Variants in AFF3 observed in about 807,000 individuals in gnomAD.
The protein encoded by AFF3 is ALF transcription elongation factor 3.
AFF3 carries 32 observed loss-of-function variants against 129.7 expected under a neutral mutation model. That is an observed-to-expected ratio of 0.25 (90% CI 0.19 to 0.33). The LOEUF is 0.33. Ranked by LOEUF, AFF3 falls within the 10% of genes least tolerant of loss-of-function variation. The pLI is 1.00. For missense variants in AFF3, 1,373 were observed against 1,592.0 expected (o/e 0.86, Z 2.34); for synonymous variants, 644 against 635.4 (o/e 1.01, Z -0.20).
chr2:99,837,373 C>G lies in AFF3; in HGVS notation c.921+104G>C, dbSNP rs1261731217. 1.6e-5 allele frequency: 18 copies of G among 1,140,388 alleles called. No homozygotes were observed. The East Asian group carries it at 4.4e-4, about 28-fold the overall frequency. The allele number at this position is 1,140,388 out of a possible 1,614,324, so 70.6% of individuals were successfully genotyped here. A position where few individuals can be genotyped will look rare whatever the true frequency, so the allele number is the denominator to read the frequency against. ...GACTACTCTCAGAAAAGGTAAATGT[C>G]AAACCACAGACTATGGGCTCCTTTA... On this transcript the variant is annotated intron_variant, in intron 8 of 24. Transcript: ENST00000672756.
intron 4 of AFF3, among the ~76,000 whole-genome samples, chr2:100,035,871 C>T (rs1385520819): frequency 6.6e-6 from 1 of 151,988 alleles, no homozygotes; most frequent in East Asian, 1.9e-4. Flanking sequence ...AGCAAACTAG[C>T]AGATATGAAA....
intron 7 of AFF3, among the ~76,000 whole-genome samples, chr2:99,843,718 A>G (rs1490604986): frequency 6.6e-6 from 1 of 152,222 alleles, no homozygotes; most frequent in Non-Finnish European, 1.5e-5. Flanking sequence ...TAAAATCGTT[A>G]ATAATTATAT....
At chr2:99,807,648 T>C (rs898956897) in intron 8 of AFF3, among the ~76,000 whole-genome samples, 3 of 152,216 alleles carry the variant, frequency 2.0e-5, no homozygotes, top group Non-Finnish European at 2.9e-5. Flanking sequence ...CAGGCCTCAA[T>C]TGGCCTAACT....
intron 18 of AFF3, among the ~76,000 whole-genome samples, chr2:99,569,655 A>G (rs1676297883): frequency 1.3e-5 from 2 of 152,204 alleles, no homozygotes; most frequent in African/African-American, 2.4e-5. Context: ...AGTGTGTGTA[A>G]TGAGGCCCAG....
rs1674130335 is a variant in AFF3, at chr2:99,547,671, A to G, written c.*3803T>C. On this transcript the variant is annotated 3_prime_UTR_variant, in exon 25 of 25. Transcript: ENST00000672756. ...TTACTGCACTTCCAAGTTGATGCGA[A>G]CACGCAGTGACTCATACTCAATATT... is the stretch of plus-strand genomic sequence containing the variant. 4.8e-6 allele frequency: 1 copy of G among 210,262 alleles called. No homozygotes were observed. The highest frequency in any genetic ancestry group is 9.7e-6 in the Non-Finnish European group (1 of 103,574). The allele number at this position is 210,262 out of a possible 1,614,324, so 13.0% of individuals were successfully genotyped here. A position where few individuals can be genotyped will look rare whatever the true frequency, so the allele number is the denominator to read the frequency against.
chr2:99,918,920 A>T (rs373075585), intron 7 of AFF3, among the ~76,000 whole-genome samples: 165 of 152,282 alleles, frequency 1.1e-3, no homozygotes, highest in African/African-American at 3.8e-3. Flanking sequence ...GCACAAAACC[A>T]CTATATTCCC....
chr2:100,115,009 T>C (rs1350865663), intron 2 of AFF3, among the ~76,000 whole-genome samples: 1 of 152,196 alleles, frequency 6.6e-6, no homozygotes, highest in African/African-American at 2.4e-5. Context: ...AAAAAGACTT[T>C]TGTTTGTTAT....
rs200261768 is a variant in AFF3, at chr2:100,050,038, C to A, written c.54-41106G>T. ...ACCAGCCTGGCCAACATGGTGAAAC[C>A]CTGTCTCTACTAAAAATACAAAAAT... On this transcript the variant is annotated intron_variant, in intron 4 of 24. Transcript: ENST00000672756. Among the ~76,000 whole-genome samples the A allele has an allele frequency of 1.4e-4, 21 of 152,120 alleles. No individual in the cohort carries two copies. In the East Asian group the frequency reaches 4.1e-3, roughly 30 times the overall value.
chr2:99,559,767 G>A (rs1675297424), intron 21 of AFF3, among the ~76,000 whole-genome samples: 1 of 152,180 alleles, frequency 6.6e-6, no homozygotes, highest in African/African-American at 2.4e-5. Flanking sequence ...ATCCAGGACA[G>A]GTAACAATTT....
chr2:99,681,444 A>G (rs1209879189), intron 11 of AFF3, among the ~76,000 whole-genome samples: 1 of 152,182 alleles, frequency 6.6e-6, no homozygotes, highest in Non-Finnish European at 1.5e-5. Context: ...AGGCATCAGG[A>G]CTTCTGACAA....
intron 20 of AFF3, among the ~76,000 whole-genome samples, chr2:99,561,501 T>A (rs1422250316): frequency 1.3e-5 from 2 of 152,212 alleles, no homozygotes; most frequent in Admixed American, 1.3e-4. Flanking sequence ...CTTCCCCACT[T>A]AAAAATAGCA....
At chr2:100,140,270 C>G (rs1692806173) in intron 1 of AFF3, among the ~76,000 whole-genome samples, 1 of 152,170 alleles carries the variant, frequency 6.6e-6, no homozygotes, top group Admixed American at 6.5e-5. Context: ...CCTTGATAGG[C>G]AAGACATCAG....
At chr2:99,993,798 T>C (rs1384829084) in intron 7 of AFF3, among the ~76,000 whole-genome samples, 1 of 105,256 alleles carries the variant, frequency 9.5e-6, no homozygotes, top group Non-Finnish European at 2.0e-5. Flanking sequence ...TTATCTTTTT[T>C]TTTTTTTTTT....
At chr2:100,133,055 A>G (rs1041577305) in intron 1 of AFF3, among the ~76,000 whole-genome samples, 1 of 151,680 alleles carries the variant, frequency 6.6e-6, no homozygotes, top group Non-Finnish European at 1.5e-5. Flanking sequence ...CAGCCTCCCA[A>G]CAGCTGGGAT....
At chr2:100,131,666 G>T (rs1386757540) in intron 1 of AFF3, among the ~76,000 whole-genome samples, 1 of 152,046 alleles carries the variant, frequency 6.6e-6, no homozygotes, top group Non-Finnish European at 1.5e-5. Context: ...CACCATGTTG[G>T]GTAGGCTGGT....
At chr2:99,699,720 T>C (rs544257897) in intron 11 of AFF3, among the ~76,000 whole-genome samples, 1 of 152,318 alleles carries the variant, frequency 6.6e-6, no homozygotes, top group Admixed American at 6.5e-5. Context: ...ATTATGGGCA[T>C]AGGGCATGGG....
At chr2:99,581,478 G>A (rs1252103986) in intron 17 of AFF3, among the ~76,000 whole-genome samples, 1 of 151,848 alleles carries the variant, frequency 6.6e-6, no homozygotes. Context: ...GTTACACACT[G>A]CTCCCTCCCT....
chr2:100,038,373 TAAAA>T (rs11397703), intron 4 of AFF3, among the ~76,000 whole-genome samples: 1 of 143,280 alleles, frequency 7.0e-6, no homozygotes, highest in African/African-American at 2.6e-5. Flanking sequence ...TTCCTCAAAT[TAAAA>T]AAAAAAAAGG....
At chr2:99,738,042 T>A (rs1200036702) in intron 10 of AFF3, among the ~76,000 whole-genome samples, 2 of 152,118 alleles carry the variant, frequency 1.3e-5, no homozygotes, top group Non-Finnish European at 2.9e-5. Flanking sequence ...CTCTCTTTTA[T>A]TTCCAGAAAT....
Sources: gnomAD v4.1 joint callset for allele counts (sites outside exome capture counted in the v4.1 genomes callset) on GRCh38, gnomAD v4.1.1 for gene constraint, MANE v1.5 for transcripts, NCBI Gene and HGNC (gene_info 2026-07-23, HGNC 2026-07-21) for gene names.